Variants in INSRR observed in about 807,000 individuals in gnomAD.
INSRR encodes the protein insulin receptor related receptor.
In INSRR, 114 loss-of-function variants were observed where a neutral mutation model predicts 130.0. The ratio of observed to expected loss-of-function variants is 0.88; its 90% CI spans 0.75 to 1.02. The LOEUF (loss-of-function observed/expected upper bound fraction) is 1.02. Ranked by LOEUF, INSRR falls within the 50% of genes least tolerant of loss-of-function variation. The pLI is 0.00. For missense variants in INSRR, 1,657 were observed against 1,735.2 expected, an observed-to-expected ratio of 0.95 and a Z score of 0.80; for synonymous variants, 674 against 705.2, an observed-to-expected ratio of 0.96 and a Z score of 0.70.
Position 156,845,769 on chromosome 1 carries a change from T to C in INSRR, c.2024A>G (p.Glu675Gly), listed in dbSNP as rs1571661566. 6.2e-7 allele frequency: 1 copy of C among 1,613,178 alleles called. No individual in the cohort carries two copies. Among genetic ancestry groups the C allele is most frequent in the East Asian group, 2.2e-5 (1 of 44,828 alleles). Residue 675 changes from glutamate to glycine, a missense_variant, in exon 10 of 22, where the codon GAA becomes GGA. Transcript: ENST00000368195. ...TSNNDPRFDG[E>G]DGDPEAEMES... is the part of the protein sequence containing the mutation. ...CATCTCGGCCTCAGGATCCCCGTCT[T>C]CGCCGTCGAAGCGCGGATCGTTGTT...
intron 7 of INSRR, among the ~76,000 whole-genome samples, chr1:156,847,670 G>C (rs1037545263): frequency 6.6e-6 from 1 of 152,026 alleles, no homozygotes; most frequent in Non-Finnish European, 1.5e-5. Context: ...GAGCAGGTTG[G>C]GGGGGTGGGG....
At chr1:156,844,117 CT>C (rs1367658844) in intron 15 of INSRR, 57 bp downstream of exon 15, 1 of 1,297,426 alleles carries the variant, frequency 7.7e-7, no homozygotes, top group Admixed American at 1.8e-5. Flanking sequence ...CTTTGACAGA[CT>C]TTATGATGAG....
In INSRR at chr1:156,844,808, C is replaced by T; in HGVS notation, c.2473G>A (p.Glu825Lys). 1.9e-6 allele frequency: 3 copies of T among 1,614,112 alleles called. No individual in the cohort carries two copies. The highest frequency in any genetic ancestry group is 2.2e-5 in the South Asian group (2 of 91,076). Residue 825 changes from glutamate to lysine, a missense_variant, in exon 13 of 22, where the codon GAG becomes AAG. Coordinates refer to ENST00000368195, the MANE Select transcript of INSRR (RefSeq NM_014215.3). ...ADGIPGKVAW[E>K]ASSKNSVLLR... Reference sequence around the variant, plus strand: ...AGGACACTGTTCTTGCTGGAGGCCTCCCAGGCCACCTTTCCTGGAATACCA... The same window carrying T: ...AGGACACTGTTCTTGCTGGAGGCCTTCCAGGCCACCTTTCCTGGAATACCA...
intron 7 of INSRR, among the ~76,000 whole-genome samples, chr1:156,847,942 C>T (rs1047651499): frequency 2.6e-5 from 4 of 152,170 alleles, no homozygotes; most frequent in Non-Finnish European, 5.9e-5. Flanking sequence ...GGGAGATTCA[C>T]ACTGTAGTCA....
At chr1:156,857,228 C>T (rs1414486063) in intron 1 of INSRR, among the ~76,000 whole-genome samples, 7 of 150,632 alleles carry the variant, frequency 4.6e-5, no homozygotes, top group African/African-American at 9.8e-5. Flanking sequence ...TCTGAGCCCA[C>T]GCAGATACAC....
At chr1:156,857,802 TG>T (rs1246224828) in intron 1 of INSRR, among the ~76,000 whole-genome samples, 2 of 152,340 alleles carry the variant, frequency 1.3e-5, no homozygotes, top group East Asian at 3.9e-4. Flanking sequence ...ATGGTGGGAC[TG>T]GGGAAGGGGA....
At chr1:156,848,547 C>A (rs1195524321) in intron 7 of INSRR, among the ~76,000 whole-genome samples, 2 of 152,180 alleles carry the variant, frequency 1.3e-5, no homozygotes, top group Non-Finnish European at 2.9e-5. Context: ...GCTGGCAGAG[C>A]TGCTCATAAA....
Position 156,842,260 on chromosome 1 carries a change from C to A in INSRR, c.3249G>T (p.Gly1083=). The part of the protein sequence containing the change: ...SLRPEAENNP[G]LPQPALGEMI... ...TTTCCCCCAATGCTGGCTGTGGGAG[C>A]CCAGGGTTGTTCTAGAGCCAAGATT... is the stretch of plus-strand genomic sequence containing the variant. The change falls in exon 19 of 22, where the codon GGG becomes GGT. Residue 1083 remains glycine (G), a synonymous_variant. Coordinates refer to ENST00000368195, the MANE Select transcript of INSRR (RefSeq NM_014215.3). 2 of 1,613,914 alleles carry A rather than the reference C, an allele frequency of 1.2e-6. No individual in the cohort carries two copies. Among genetic ancestry groups the A allele is most frequent in the Non-Finnish European group, 1.7e-6 (2 of 1,179,944 alleles).
intron 7 of INSRR, among the ~76,000 whole-genome samples, chr1:156,847,489 T>A (rs1381949152): frequency 6.6e-6 from 1 of 152,058 alleles, no homozygotes; most frequent in East Asian, 1.9e-4. Flanking sequence ...CAATGGAACA[T>A]CACATTGATG....
chr1:156,844,197 C>G lies in INSRR; in HGVS notation c.2821G>C (p.Gly941Arg). The G allele has an allele frequency of 4.3e-6, 7 of 1,613,822 alleles. No individual in the cohort carries two copies. The highest frequency in any genetic ancestry group is 5.1e-6 in the Non-Finnish European group (6 of 1,179,910). ...LTLLIVLAAL[G>R]FFYGKKRNRT... is the part of the protein sequence containing the mutation. ...CACCTCTTCTTGCCGTAGAAGAAAC[C>G]AAGGGCAGCAAGAACGATGAGCAGC... The change falls in exon 15 of 22, where the codon GGT becomes CGT. Residue 941 changes from glycine to arginine, a missense_variant. By Grantham distance (125) the Gly-to-Arg change is moderately radical (BLOSUM62 -2). Transcript: ENST00000368195.
rs762851266 is a variant in INSRR at position 156,849,010 on chromosome 1, C to T, written c.1482G>A (p.Thr494=). The T allele has an allele frequency of 1.9e-6, 3 of 1,613,440 alleles. No homozygotes were observed. The highest frequency in any genetic ancestry group is 2.5e-6 in the Non-Finnish European group (3 of 1,179,852). ...AGCGTAGCAGGATGCGGTCTGCCTC[C>T]GTCACGTTGGACACGAAGCGCAGGG... ...TRTLRFVSNV[T]EADRILLRWE... The change falls in exon 7 of 22, where the codon ACG becomes ACA. Residue 494 remains threonine (T), a synonymous_variant. Transcript: ENST00000368195.
In INSRR at chr1:156,845,164, G is replaced by A; in HGVS notation, c.2349C>T (p.Tyr783=). The A allele has an allele frequency of 6.2e-7, 1 of 1,611,422 alleles. No homozygotes were observed. Among genetic ancestry groups the A allele is most frequent in the Non-Finnish European group, 8.5e-7 (1 of 1,179,122 alleles). ...GGTTGCAGGCATGGATGTCGATCCG[G>A]TATTCCGTGAAGTGGCGCAGGCCGC... is the stretch of plus-strand genomic sequence containing the variant. The part of the protein sequence containing the change: ...VLSGLRHFTE[Y]RIDIHACNHA... The change falls in exon 12 of 22, where the codon TAC becomes TAT. Residue 783 remains tyrosine, a synonymous_variant. Transcript: ENST00000368195.
chr1:156,857,309 C>A (rs538793272), intron 1 of INSRR, among the ~76,000 whole-genome samples: 1 of 152,074 alleles, frequency 6.6e-6, no homozygotes, highest in African/African-American at 2.4e-5. Context: ...TCAGGCTCTG[C>A]GAGGCAGATA....
chr1:156,858,885 G>A lies in INSRR; in HGVS notation c.-264C>T. On this transcript the variant is annotated 5_prime_UTR_variant, in exon 1 of 22. Transcript: ENST00000368195. ...AGAGATGGGGACAGAGATGCAGACA[G>A]TGACAGGGAGAGTCTCGGGCCTCCA... The A allele has an allele frequency of 2.0e-6, 1 of 502,096 alleles. No individual in the cohort carries two copies. The highest frequency in any genetic ancestry group is 3.2e-5 in the Admixed American group (1 of 31,340). 31.1% of individuals were successfully genotyped at this position (502,096 alleles called of 1,614,324 possible). A position where few individuals can be genotyped will look rare whatever the true frequency, so the allele number is the denominator to read the frequency against.
At chr1:156,841,856 C>T in intron 19 of INSRR, 62 bp from the exon 20 acceptor site, 1 of 1,612,824 alleles carries the variant, frequency 6.2e-7, no homozygotes, top group Non-Finnish European at 8.5e-7. Flanking sequence ...CTAGCTCCTG[C>T]CCCTGGGATA....
rs984262583 is a variant in INSRR, at chr1:156,854,750, T to C, written c.86-447A>G. ...GCTTCCACCATCATCTTCCCCTGGA[T>C]TGACAGTCATAGCCTCCCAAACTGT... is the stretch of plus-strand genomic sequence containing the variant. On this transcript the variant is annotated intron_variant, in intron 1 of 21. Coordinates refer to ENST00000368195, the MANE Select transcript of INSRR (RefSeq NM_014215.3). This position sits in a 1 kb window ranked among gnomAD's most constrained non-coding sequence, Gnocchi z 4.2. Among the ~76,000 whole-genome samples the C allele has an allele frequency of 1.3e-5, 2 of 152,154 alleles. No individual in the cohort carries two copies. Among genetic ancestry groups the C allele is most frequent in the Non-Finnish European group, 2.9e-5 (2 of 68,034 alleles).
At position 156,843,448 on chromosome 1, in the gene INSRR, C is replaced by G. The variant is rs1392741443; in HGVS notation, c.2875G>C (p.Glu959Gln). ...CTACTATCAGAGGCGCTGAAGTACT[C>G]TGGATTCACAGAAGCATACAGGGTT... ...NRTLYASVNPEYFSASDMYVP... is the reference protein window; with the variant it reads ...NRTLYASVNPQYFSASDMYVP... Residue 959 changes from glutamate to glutamine, a missense_variant, in exon 16 of 22, where the codon GAG (glutamate) becomes CAG (glutamine). Physicochemically the swap from Glu to Gln is conservative, Grantham distance 29. Transcript: ENST00000368195. 1 of 1,614,116 alleles carries G rather than the reference C, an allele frequency of 6.2e-7. No individual in the cohort carries two copies. Among genetic ancestry groups the G allele is most frequent in the East Asian group, 2.2e-5 (1 of 44,894 alleles).
intron 2 of INSRR, among the ~76,000 whole-genome samples, chr1:156,853,005 GTTTTC>G: frequency 6.6e-6 from 1 of 152,214 alleles, no homozygotes; most frequent in Non-Finnish European, 1.5e-5. Context: ...CCTCTGAAAG[GTTTTC>G]TTTTCCTTTC....
Position 156,845,223 on chromosome 1 carries a change from C to T in INSRR, c.2290G>A (p.Glu764Lys), listed in dbSNP as rs747196691. The T allele has an allele frequency of 1.2e-6, 2 of 1,609,962 alleles. No individual in the cohort carries two copies. The highest frequency in any genetic ancestry group is 1.7e-6 in the Non-Finnish European group (2 of 1,178,406). Residue 764 changes from glutamate (E) to lysine (K), a missense_variant, in exon 12 of 22, where the codon GAG becomes AAG. Transcript: ENST00000368195. ...GGNSSDFEIQ[E>K]DKVPRERAVL... is the part of the protein sequence containing the mutation. Reference sequence around the variant, plus strand: ...GCTCGCTCACGGGGCACCTTGTCCTCCTGGATCTCGAAATCCGAGCTGTTG... The same window carrying T: ...GCTCGCTCACGGGGCACCTTGTCCTTCTGGATCTCGAAATCCGAGCTGTTG...
Sources: allele counts gnomAD v4.1 joint callset (sites outside exome capture counted in the v4.1 genomes callset), GRCh38; gene constraint gnomAD v4.1.1; non-coding constraint Gnocchi (gnomAD v3.1); transcripts MANE v1.5; gene names NCBI Gene and HGNC (gene_info 2026-07-23, HGNC 2026-07-21).